Variants in STEAP2 observed in about 807,000 individuals in gnomAD.
The protein encoded by STEAP2 is metalloreductase STEAP2.
A neutral mutation model predicts 46.4 loss-of-function variants in STEAP2; 30 were observed. The ratio of observed to expected loss-of-function variants is 0.65; its 90% CI spans 0.48 to 0.88. The LOEUF is 0.88. Among genes scored for constraint, STEAP2 ranks in the 40% least tolerant of loss-of-function variants. The probability of loss-of-function intolerance (pLI) is 0.00; values close to 1 mark genes in which losing one functional copy is unlikely to be tolerated. For synonymous variants in STEAP2, 180 were observed against 200.5 expected (o/e 0.90, Z 0.86); for missense variants, 513 against 579.3 (o/e 0.89, Z 1.18).
At position 90,234,764 on chromosome 7, in the gene STEAP2, A is replaced by G. The variant is rs962390985; in HGVS notation, c.*2140A>G. The G allele has an allele frequency of 3.6e-5, 21 of 586,664 alleles. No homozygotes were observed. Among genetic ancestry groups the G allele is most frequent in the Admixed American group, 6.4e-5 (1 of 15,746 alleles). The allele number at this position is 586,664 out of a possible 1,614,324, so 36.3% of individuals were successfully genotyped here. ...GAGACGGAGTTTCACCGTGTTAGCC[A>G]GGATGGTCTCGATCTCCTGACCTCG... On this transcript the variant is annotated 3_prime_UTR_variant, in exon 6 of 6. Transcript: ENST00000394621.
intron 2 of STEAP2, among the ~76,000 whole-genome samples, chr7:90,219,494 A>G (rs1795161275): frequency 6.6e-6 from 1 of 152,144 alleles, no homozygotes; most frequent in Non-Finnish European, 1.5e-5. Flanking sequence ...AAGTTTTATC[A>G]TGAGGGGATG....
chr7:90,229,194 A>G (rs1339807827), intron 4 of STEAP2, among the ~76,000 whole-genome samples: 1 of 152,182 alleles, frequency 6.6e-6, no homozygotes, highest in Non-Finnish European at 1.5e-5. Context: ...TGACTTGATT[A>G]TATACACATT....
chr7:90,221,570 A>G (rs1308905236), intron 2 of STEAP2, among the ~76,000 whole-genome samples: 1 of 152,094 alleles, frequency 6.6e-6, no homozygotes, highest in Non-Finnish European at 1.5e-5. Flanking sequence ...ATCTATTACT[A>G]GTCCATATCT....
At position 90,235,939 on chromosome 7, in the gene STEAP2, A is replaced by G; in HGVS notation, c.*3315A>G. Reference sequence around the variant, plus strand: ...ATGAGCTCTAGTGTTAAACTACCTGATTAATTTCTTATAAAGCAGCATAAC... The same window carrying G: ...ATGAGCTCTAGTGTTAAACTACCTGGTTAATTTCTTATAAAGCAGCATAAC... On this transcript the variant is annotated 3_prime_UTR_variant, in exon 6 of 6. Transcript: ENST00000394621. 2 of 984,100 alleles carry G rather than the reference A, an allele frequency of 2.0e-6. No individual in the cohort carries two copies. Among genetic ancestry groups the G allele is most frequent in the East Asian group, 1.1e-4 (1 of 8,818 alleles). 61.0% of individuals were successfully genotyped at this position (984,100 alleles called of 1,614,324 possible).
chr7:90,222,181 A>C (rs1795280871), intron 2 of STEAP2, among the ~76,000 whole-genome samples: 1 of 152,156 alleles, frequency 6.6e-6, no homozygotes, highest in Admixed American at 6.5e-5. Flanking sequence ...TGACATCTCC[A>C]AATGGATATT....
In STEAP2 at chr7:90,227,211, A is replaced by T. The variant is rs942959123; in HGVS notation, c.733A>T (p.Ser245Cys). 58 of 1,613,784 alleles carry T rather than the reference A, an allele frequency of 3.6e-5. No homozygotes were observed. Among genetic ancestry groups the T allele is most frequent in the Non-Finnish European group, 4.7e-5 (56 of 1,179,814 alleles). ...TCATCCATATGCTAGAAACCAACAG[A>T]GTGACTTTTACAAAATTCCTATAGA... The part of the protein sequence containing the change: ...VIHPYARNQQ[S>C]DFYKIPIEIV... The change falls in exon 4 of 6, where the codon AGT (serine) becomes TGT (cysteine). Residue 245 changes from serine to cysteine, a missense_variant. Coordinates refer to ENST00000394621, the MANE Select transcript of STEAP2 (RefSeq NM_001244944.2).
intron 2 of STEAP2, among the ~76,000 whole-genome samples, chr7:90,218,096 T>C (rs552967969): frequency 1.3e-5 from 2 of 152,282 alleles, no homozygotes; most frequent in African/African-American, 4.8e-5. Context: ...TCATGACCTT[T>C]ACCCATTTTT....
At chr7:90,231,041 T>G (rs989321407) in intron 5 of STEAP2, among the ~76,000 whole-genome samples, 7 of 151,914 alleles carry the variant, frequency 4.6e-5, no homozygotes, top group Non-Finnish European at 7.4e-5. Context: ...TGCAAATATT[T>G]TGCCTGCTGG....
intron 5 of STEAP2, 58 bp downstream of exon 5, chr7:90,230,094 C>A (rs1311750177): frequency 1.9e-6 from 3 of 1,572,804 alleles, no homozygotes; most frequent in Non-Finnish European, 1.7e-6. Context: ...TTGTTAAGAA[C>A]AACTGCATTT....
chr7:90,219,067 G>C (rs941156112), intron 2 of STEAP2, among the ~76,000 whole-genome samples: 4 of 151,176 alleles, frequency 2.6e-5, no homozygotes, highest in Admixed American at 1.3e-4. Context: ...TTGCCTTCTT[G>C]GTGTCTTTTT....
At position 90,236,672 on chromosome 7, in the gene STEAP2, T is replaced by C; in HGVS notation, c.*4048T>C. On this transcript the variant is annotated 3_prime_UTR_variant, in exon 6 of 6. Coordinates refer to ENST00000394621, the MANE Select transcript of STEAP2 (RefSeq NM_001244944.2). ...GCTTAATTTTCAGAGATTCTTTCCA[T>C]ATGTTACTAAAAAATGTTTTGTTCA... 8 of 1,302,150 alleles carry C rather than the reference T, an allele frequency of 6.1e-6. No individual in the cohort carries two copies. Among genetic ancestry groups the C allele is most frequent in the Non-Finnish European group, 6.8e-6 (7 of 1,027,500 alleles). 80.7% of individuals were successfully genotyped at this position (1,302,150 alleles called of 1,614,324 possible).
chr7:90,225,516 G>A lies in STEAP2; in HGVS notation c.434G>A (p.Gly145Glu). The change falls in exon 3 of 6, where the codon GGA becomes GAA. Residue 145 changes from glycine (G) to glutamate (E), a missense_variant. Coordinates refer to ENST00000394621, the MANE Select transcript of STEAP2 (RefSeq NM_001244944.2). ...SLFPDSLIVKGFNVVSAWALQ... is the reference protein window; with the variant it reads ...SLFPDSLIVKEFNVVSAWALQ... ...TTCCCAGATTCTTTGATTGTCAAAGGATTTAATGTTGTCTCAGCTTGGGCA... is the reference window on the plus strand; with the variant it reads ...TTCCCAGATTCTTTGATTGTCAAAGAATTTAATGTTGTCTCAGCTTGGGCA... 1 of 1,613,444 alleles carries A rather than the reference G, an allele frequency of 6.2e-7. No individual in the cohort carries two copies. The highest frequency in any genetic ancestry group is 2.2e-5 in the East Asian group (1 of 44,870).
At chr7:90,232,262 T>C (rs1423807460) in intron 5 of STEAP2, 75 bp from the exon 6 acceptor site, 2 of 1,433,986 alleles carry the variant, frequency 1.4e-6, no homozygotes, top group African/African-American at 2.9e-5. Flanking sequence ...ATGGTGTATC[T>C]TGATAGTTTA....
At chr7:90,237,971 G>C, downstream of STEAP2, 1 of 675,790 alleles carries the variant, frequency 1.5e-6, no homozygotes, top group South Asian at 1.7e-5. Flanking sequence ...ATCTATGATG[G>C]ATACTAAAGA....
chr7:90,222,852 T>G (rs1007973967), intron 2 of STEAP2, among the ~76,000 whole-genome samples: 1 of 152,188 alleles, frequency 6.6e-6, no homozygotes, highest in African/African-American at 2.4e-5. Context: ...CCCCAACTTT[T>G]TTTTGAAACA....
chr7:90,216,022 G>C (rs1474255927), intron 1 of STEAP2: 1 of 152,140 alleles, frequency 6.6e-6, no homozygotes, highest in East Asian at 1.9e-4. Context: ...TGATCCACCT[G>C]CTTCGGCCTC....
At position 90,236,865 on chromosome 7, in the gene STEAP2, A is replaced by T. The variant is rs1454483403; in HGVS notation, c.*4241A>T. On this transcript the variant is annotated 3_prime_UTR_variant, in exon 6 of 6. Transcript: ENST00000394621. ...TCTCCAAATTGCCAACTTTAAGGAA[A>T]TATTCTCTTGAAATTGTCTTTAAAG... 1.9e-6 allele frequency: 3 copies of T among 1,612,698 alleles called. No homozygotes were observed. The highest frequency in any genetic ancestry group is 2.2e-5 in the South Asian group (2 of 90,770).
chr7:90,242,406 C>G (rs194535), downstream of STEAP2, among the ~76,000 whole-genome samples: 132,384 of 152,236 alleles, frequency 0.87, 57,893 homozygotes, highest in East Asian at 1. Flanking sequence ...TCAGCCTGTG[C>G]TGTTAAAATA....
At chr7:90,214,775 CA>C (rs1794950300) in intron 1 of STEAP2, among the ~76,000 whole-genome samples, 1 of 152,116 alleles carries the variant, frequency 6.6e-6, no homozygotes, top group Non-Finnish European at 1.5e-5. Context: ...TTAGAATTAT[CA>C]GTGTGAATAT....
Sources: allele counts gnomAD v4.1 joint callset (sites outside exome capture counted in the v4.1 genomes callset), GRCh38; gene constraint gnomAD v4.1.1; transcripts MANE v1.5; gene names NCBI Gene and HGNC (gene_info 2026-07-23, HGNC 2026-07-21).